The following ADGRD1 variants were observed in gnomAD, a reference collection of about 807,000 sequenced individuals.
ADGRD1 encodes adhesion G protein-coupled receptor D1, also known as G-protein coupled receptor 133.
ADGRD1 carries 77 observed loss-of-function variants against 113.4 expected under a neutral mutation model. That is an observed-to-expected ratio of 0.68 (90% CI 0.57 to 0.82). ADGRD1 has a LOEUF of 0.82. ADGRD1 is among the 40% of genes least tolerant of loss of function. The pLI, the probability that ADGRD1 is intolerant of heterozygous loss-of-function variation, is 0.00. For synonymous variants in ADGRD1, 474 were observed against 475.0 expected, an observed-to-expected ratio of 1.00 and a Z score of 0.03; for missense variants, 1,036 against 1,139.1, an observed-to-expected ratio of 0.91 and a Z score of 1.30.
At position 130,994,516 on chromosome 12, in the gene ADGRD1, G is replaced by A. The variant is rs551811608; in HGVS notation, c.966+2124G>A. 3.8e-4 allele frequency among the ~76,000 whole-genome samples: 58 copies of A among 152,320 alleles called. 1 individual carries two copies. Among genetic ancestry groups the A allele is most frequent in the Admixed American group, 2.5e-3 (39 of 15,308 alleles). ...CCACTCTGGGCACGGGCGCCCTCCCGTCTGACTAGCCATGGGTACCCTGCA... is the reference window on the plus strand; with the variant it reads ...CCACTCTGGGCACGGGCGCCCTCCCATCTGACTAGCCATGGGTACCCTGCA... On this transcript the variant is annotated intron_variant, in intron 8 of 24. Transcript: ENST00000261654.
At chr12:130,999,274 C>T (rs1005465407) in intron 8 of ADGRD1, among the ~76,000 whole-genome samples, 2 of 152,232 alleles carry the variant, frequency 1.3e-5, no homozygotes, top group African/African-American at 2.4e-5. Flanking sequence ...TTTGCACTGC[C>T]ATGGCAGAGT....
At chr12:131,031,309 C>T (rs1056552516) in intron 13 of ADGRD1, among the ~76,000 whole-genome samples, 23 of 152,206 alleles carry the variant, frequency 1.5e-4, no homozygotes, top group African/African-American at 4.6e-4. Flanking sequence ...AAACACTGGA[C>T]GGTGGCCTTC....
At chr12:131,044,267 A>G (rs1405624640) in intron 13 of ADGRD1, among the ~76,000 whole-genome samples, 2 of 152,176 alleles carry the variant, frequency 1.3e-5, no homozygotes, top group East Asian at 1.9e-4. Flanking sequence ...CCGTCCTCAC[A>G]TGGGTGCCCT....
At chr12:131,078,156 G>C (rs895871773) in intron 14 of ADGRD1, among the ~76,000 whole-genome samples, 2 of 152,322 alleles carry the variant, frequency 1.3e-5, no homozygotes, top group East Asian at 3.9e-4. Flanking sequence ...CAGAGAAAGC[G>C]TCTCTGCTCC....
intron 4 of ADGRD1, chr12:130,978,223 T>C (rs781412474): frequency 5.3e-5 from 8 of 152,218 alleles, no homozygotes; most frequent in Non-Finnish European, 1.2e-4. Flanking sequence ...AAATATTCTT[T>C]CCCTGGATGG....
chr12:130,959,396 A>T (rs1317496), intron 2 of ADGRD1, among the ~76,000 whole-genome samples: 1,704 of 152,022 alleles, frequency 0.011, 27 homozygotes, highest in South Asian at 0.047. Flanking sequence ...ACATAGTGAG[A>T]CCCCACCTTT....
chr12:131,104,788 G>A lies in ADGRD1; in HGVS notation c.1672-43G>A, dbSNP rs201987858. ...CTCTGCAGCTTCAGGCTCCGATGGG[G>A]TGCCTGGGCCTGCTGCTGACGCCTC... On this transcript the variant is annotated intron_variant, in intron 15 of 24. Coordinates refer to ENST00000261654, the MANE Select transcript of ADGRD1 (RefSeq NM_198827.5). The A allele has an allele frequency of 2.9e-4, 411 of 1,399,768 alleles. 2 individuals are homozygous for A. Among genetic ancestry groups the A allele is most frequent in the Non-Finnish European group, 3.8e-4 (392 of 1,021,920 alleles). 86.7% of individuals were successfully genotyped at this position (1,399,768 alleles called of 1,614,324 possible). A position where few individuals can be genotyped will look rare whatever the true frequency, so the allele number is the denominator to read the frequency against.
intron 21 of ADGRD1, 63 bp downstream of exon 21, chr12:131,131,879 G>C: frequency 9.1e-7 from 1 of 1,095,506 alleles, no homozygotes. Context: ...ATGCTTTGAG[G>C]TCACAGGAGA....
rs370803023 is a variant in ADGRD1 at position 131,093,432 on chromosome 12, T to C, written c.1671+8769T>C. Among the ~76,000 whole-genome samples the C allele has an allele frequency of 1.8e-4, 27 of 152,282 alleles. 1 individual carries two copies. In the East Asian group the frequency reaches 3.9e-3, roughly 22 times the overall value. On this transcript the variant is annotated intron_variant, in intron 15 of 24. Coordinates refer to ENST00000261654, the MANE Select transcript of ADGRD1 (RefSeq NM_198827.5). ...GCAGTGCAGCCTCCGCCCAGACCCA[T>C]GGTTCTAGGCCCCGTGCCCCGCGGT... is the stretch of plus-strand genomic sequence containing the variant.
chr12:131,006,289 C>G (rs1877109799), intron 12 of ADGRD1, among the ~76,000 whole-genome samples: 1 of 152,244 alleles, frequency 6.6e-6, no homozygotes, highest in East Asian at 1.9e-4. Flanking sequence ...ACCCACCCGC[C>G]TGGACAGAAC....
At chr12:131,030,742 G>A (rs950622790) in intron 13 of ADGRD1, 3 of 152,412 alleles carry the variant, frequency 2.0e-5, no homozygotes, top group South Asian at 4.1e-4. Flanking sequence ...GCCATGGAGT[G>A]TGGCGCGTGA....
At chr12:131,116,927 C>G (rs1356523097) in intron 18 of ADGRD1, among the ~76,000 whole-genome samples, 3 of 152,214 alleles carry the variant, frequency 2.0e-5, no homozygotes, top group African/African-American at 7.2e-5. Context: ...CCCATTCGTG[C>G]AGGATCTGTT....
chr12:131,134,363 G>A (rs754427482), intron 21 of ADGRD1, among the ~76,000 whole-genome samples: 7 of 152,228 alleles, frequency 4.6e-5, no homozygotes, highest in Non-Finnish European at 8.8e-5. Context: ...AGCTCTGGCC[G>A]TGTTGAGAGT....
intron 15 of ADGRD1, among the ~76,000 whole-genome samples, chr12:131,097,264 CAA>C (rs977468772): frequency 9.2e-5 from 14 of 152,124 alleles, no homozygotes; most frequent in African/African-American, 3.4e-4. Flanking sequence ...GTCTGGAAAA[CAA>C]GAGGGTGATG....
At chr12:131,079,039 C>T (rs546479612) in intron 14 of ADGRD1, among the ~76,000 whole-genome samples, 4 of 152,226 alleles carry the variant, frequency 2.6e-5, no homozygotes, top group Admixed American at 2.0e-4. Flanking sequence ...CTGCAAGCAC[C>T]GATTTGTCTT....
intron 13 of ADGRD1, among the ~76,000 whole-genome samples, chr12:131,051,640 C>G (rs561669705): frequency 6.6e-6 from 1 of 152,058 alleles, no homozygotes; most frequent in African/African-American, 2.4e-5. Context: ...CCCGCCACCA[C>G]GCCAGGCGAA....
In ADGRD1 at chr12:131,104,935, G is replaced by T. The variant is rs769865874; in HGVS notation, c.1775+1G>T. ...CGCTGGTCACCTTCGCCGTGCTGTC[G>T]TGAGTCCCCTTTTCTAATCCACCCA... is the stretch of plus-strand genomic sequence containing the variant. On this transcript the variant is annotated splice_donor_variant, in intron 16 of 24. Coordinates refer to ENST00000261654, the MANE Select transcript of ADGRD1 (RefSeq NM_198827.5). LOFTEE classifies it high-confidence loss of function. The T allele has an allele frequency of 1.9e-6, 3 of 1,545,310 alleles. No individual in the cohort carries two copies. Among genetic ancestry groups the T allele is most frequent in the Admixed American group, 3.9e-5 (2 of 50,888 alleles).
Position 131,141,207 on chromosome 12 carries a change from A to G in ADGRD1, c.*1944A>G, listed in dbSNP as rs182787383. 2.0e-5 allele frequency: 3 copies of G among 152,376 alleles called. No individual in the cohort carries two copies. In the East Asian group the frequency reaches 5.8e-4, roughly 29 times the overall value. The allele number at this position is 152,376 out of a possible 1,614,324, so 9.4% of individuals were successfully genotyped here. Reference sequence around the variant, plus strand: ...TTTGTTTTTAATTGTTGCCGTATTCATCTATATAGCTAATATTTCAAGATA... The same window carrying G: ...TTTGTTTTTAATTGTTGCCGTATTCGTCTATATAGCTAATATTTCAAGATA... On this transcript the variant is annotated 3_prime_UTR_variant, in exon 25 of 25. Transcript: ENST00000261654.
Position 131,139,412 on chromosome 12 carries a change from T to A in ADGRD1, c.*149T>A. ...CGAGACAGCTGTCCTCCCCTGTGACTCTGGCTGTCGGAGCACACTGCTCAG... is the reference window on the plus strand; with the variant it reads ...CGAGACAGCTGTCCTCCCCTGTGACACTGGCTGTCGGAGCACACTGCTCAG... On this transcript the variant is annotated 3_prime_UTR_variant, in exon 25 of 25. Coordinates refer to ENST00000261654, the MANE Select transcript of ADGRD1 (RefSeq NM_198827.5). 1 of 629,246 alleles carries A rather than the reference T, an allele frequency of 1.6e-6. No individual in the cohort carries two copies. The highest frequency in any genetic ancestry group is 2.8e-6 in the Non-Finnish European group (1 of 350,960). The allele number at this position is 629,246 out of a possible 1,614,324, so 39.0% of individuals were successfully genotyped here.
Sources: gnomAD v4.1 joint callset for allele counts (sites outside exome capture counted in the v4.1 genomes callset) on GRCh38, gnomAD v4.1.1 for gene constraint, MANE v1.5 for transcripts, NCBI Gene and HGNC (gene_info 2026-07-23, HGNC 2026-07-21) for gene names.